Variants in TXLNG observed in about 807,000 individuals in gnomAD.
The protein encoded by TXLNG is taxilin gamma, also known as gamma-taxilin.
Under a neutral mutation model 38.8 loss-of-function variants are expected in TXLNG, and 5 were observed. That is an observed-to-expected ratio of 0.13 (90% confidence interval 0.07 to 0.27). The LOEUF (loss-of-function observed/expected upper bound fraction) is 0.27, where lower values mean the gene tolerates loss of function less well. Ranked by LOEUF, TXLNG falls within the 10% of genes least tolerant of loss-of-function variation. The pLI is 1.00. For missense variants in TXLNG, 393 were observed against 398.2 expected, an observed-to-expected ratio of 0.99 and a Z score of 0.11; for synonymous variants, 182 against 158.2, an observed-to-expected ratio of 1.15 and a Z score of -1.13.
Position 16,841,414 on chromosome X carries a change from C to CTTTTT in TXLNG, c.1249-12_1249-8dup. Reference sequence around the variant, plus strand: ...TATTTAACAGGGTTACAGAAATCCTCTTTTTTCTTACAGAAAACAGTCCGT... The same window carrying CTTTTT: ...TATTTAACAGGGTTACAGAAATCCTCTTTTTTTTTTTCTTACAGAAAACAGTCCGT... On this transcript the variant is annotated splice_polypyrimidine_tract_variant and intron_variant, in intron 9 of 9. Transcript: ENST00000380122. 8.5e-7 allele frequency: 1 copy of CTTTTT among 1,176,695 alleles called. No homozygotes were observed. Among genetic ancestry groups the CTTTTT allele is most frequent in the Admixed American group, 2.6e-5 (1 of 38,945 alleles).
chrX:16,788,333 G>A (rs981917735), intron 1 of TXLNG, among the ~76,000 whole-genome samples: 28 of 112,014 alleles, frequency 2.5e-4, no homozygotes, highest in African/African-American at 8.4e-4. Context: ...GCAGAGCTCT[G>A]GTTAACAGCT....
chrX:16,841,261 G>A (rs955803446), intron 9 of TXLNG, among the ~76,000 whole-genome samples, 167 bp from the exon 10 acceptor site: 1 of 111,351 alleles, frequency 9.0e-6, no homozygotes, highest in Admixed American at 9.6e-5. Flanking sequence ...AATCTCATTC[G>A]GTATAGTTAT....
At chrX:16,817,433 A>G (rs1928786665) in intron 1 of TXLNG, among the ~76,000 whole-genome samples, 1 of 112,368 alleles carries the variant, frequency 8.9e-6, no homozygotes. Flanking sequence ...ATCCCCTCCT[A>G]CTTTGATATT....
At chrX:16,832,112 C>T (rs371365703) in intron 5 of TXLNG, among the ~76,000 whole-genome samples, 1 of 112,185 alleles carries the variant, frequency 8.9e-6, no homozygotes. Context: ...GAGGGCACTG[C>T]GCTCCAGCGT....
chrX:16,834,221 T>A, intron 6 of TXLNG, 62 bp from the exon 7 acceptor site: 1 of 966,199 alleles, frequency 1.0e-6, no homozygotes, highest in African/African-American at 1.9e-5. Context: ...CTCTGATCAT[T>A]TGATATTTAG....
chrX:16,828,888 A>C (rs1034945011), intron 4 of TXLNG, among the ~76,000 whole-genome samples: 1 of 111,647 alleles, frequency 9.0e-6, no homozygotes, highest in Non-Finnish European at 1.9e-5. Context: ...TTATGCCCCA[A>C]TAAACTCCCT....
intron 3 of TXLNG, among the ~76,000 whole-genome samples, chrX:16,821,527 G>A (rs1392697515): frequency 1.8e-5 from 2 of 112,339 alleles, no homozygotes; most frequent in South Asian, 3.6e-4. Flanking sequence ...GAATGGTTGC[G>A]GGAAGCTTTT....
At chrX:16,829,139 A>AT (rs1198753413) in intron 4 of TXLNG, among the ~76,000 whole-genome samples, 1 of 111,666 alleles carries the variant, frequency 9.0e-6, no homozygotes. Flanking sequence ...TAAGCTTTGA[A>AT]TTTTTTGTTT....
chrX:16,843,539 G>C lies in TXLNG; in HGVS notation c.*1773G>C, dbSNP rs908368793. ...ATACTAGACTCATTTCCCTGGTGGT[G>C]GGGGGGAATGCAGGTATAGATCAGA... On this transcript the variant is annotated 3_prime_UTR_variant, in exon 10 of 10. Coordinates refer to ENST00000380122, the MANE Select transcript of TXLNG (RefSeq NM_018360.3). The C allele has an allele frequency of 8.9e-6, 1 of 111,968 alleles. No homozygotes were observed. The highest frequency in any genetic ancestry group is 3.2e-5 in the African/African-American group (1 of 30,786). 9.2% of individuals were successfully genotyped at this position (111,968 alleles called of 1,213,427 possible).
intron 7 of TXLNG, 128 bp from the exon 8 acceptor site, chrX:16,837,465 G>A (rs1011094909): frequency 2.3e-5 from 10 of 443,848 alleles, no homozygotes; most frequent in Non-Finnish European, 3.8e-5. Context: ...TGGTGTCCAA[G>A]GATTGGATGT....
rs41309665 is a variant in TXLNG at position 16,843,916 on chromosome X, A to G, written c.*2150A>G. 8.2e-3 allele frequency: 918 copies of G among 111,725 alleles called. 4 individuals carry two copies. Among genetic ancestry groups the G allele is most frequent in the Non-Finnish European group, 0.013 (694 of 53,135 alleles). The allele number at this position is 111,725 out of a possible 1,213,427, so 9.2% of individuals were successfully genotyped here. ...ATAAAAACAAATGGGACCCCCTGAG[A>G]AGGACATCTTCCTACAGTGATCACC... On this transcript the variant is annotated 3_prime_UTR_variant, in exon 10 of 10. Coordinates refer to ENST00000380122, the MANE Select transcript of TXLNG (RefSeq NM_018360.3).
intron 3 of TXLNG, among the ~76,000 whole-genome samples, chrX:16,827,067 A>G (rs1929195122): frequency 9.2e-6 from 1 of 108,717 alleles, no homozygotes; most frequent in African/African-American, 3.4e-5. Context: ...TGTCTCTACT[A>G]AAAATACAAA....
At chrX:16,792,516 C>T (rs926174369) in intron 1 of TXLNG, among the ~76,000 whole-genome samples, 21 of 111,218 alleles carry the variant, frequency 1.9e-4, no homozygotes, top group Admixed American at 1.4e-3. Flanking sequence ...CATGGTGGCT[C>T]ATGCTTGTAA....
At chrX:16,828,369 T>TA in intron 4 of TXLNG, 105 bp downstream of exon 4, 2 of 810,903 alleles carry the variant, frequency 2.5e-6, no homozygotes, top group Non-Finnish European at 3.4e-6. Context: ...TGGAGACAGA[T>TA]ACTGCCTTGC....
intron 9 of TXLNG, 60 bp from the exon 10 acceptor site, chrX:16,841,368 A>G: frequency 9.2e-7 from 1 of 1,089,503 alleles, no homozygotes; most frequent in Non-Finnish European, 1.2e-6. Flanking sequence ...AGCTGGCTTA[A>G]TTTTTTTGTA....
rs1352621856 is a variant in TXLNG, at chrX:16,843,038, G to C, written c.*1272G>C. 8.9e-6 allele frequency: 1 copy of C among 112,517 alleles called. No homozygotes were observed. The highest frequency in any genetic ancestry group is 1.9e-5 in the Non-Finnish European group (1 of 53,328). The allele number at this position is 112,517 out of a possible 1,213,427, so 9.3% of individuals were successfully genotyped here. ...ATGTTGAATGTGGCGCAGTTATGCA[G>C]ATGATTAATCAGGCTGCACTGATGG... On this transcript the variant is annotated 3_prime_UTR_variant, in exon 10 of 10. Transcript: ENST00000380122.
chrX:16,828,738 C>G (rs1286964761), intron 4 of TXLNG, among the ~76,000 whole-genome samples: 1 of 112,277 alleles, frequency 8.9e-6, no homozygotes, highest in Non-Finnish European at 1.9e-5. Flanking sequence ...TTTAGGAAAC[C>G]ACTTATACCT....
rs1929821114 is a variant in TXLNG at position 16,841,490 on chromosome X, G to T, written c.1311G>T (p.Leu437=). Residue 437 remains leucine, a synonymous_variant, in exon 10 of 10, where the codon CTG becomes CTT. Coordinates refer to ENST00000380122, the MANE Select transcript of TXLNG (RefSeq NM_018360.3). ...TAAAACTGGAACGGTTAGAGAAGCTGTGCAGGGCTCTTCAGACAGAAAGGA... is the reference window on the plus strand; with the variant it reads ...TAAAACTGGAACGGTTAGAGAAGCTTTGCAGGGCTCTTCAGACAGAAAGGA... ...LQIKLERLEK[L]CRALQTERNE... is the part of the protein sequence containing the mutation. 3.3e-6 allele frequency: 4 copies of T among 1,211,971 alleles called. No individual in the cohort carries two copies. Among genetic ancestry groups the T allele is most frequent in the Middle Eastern group, 4.6e-4 (2 of 4,354 alleles).
chrX:16,807,794 C>CA (rs1928384134), intron 1 of TXLNG, among the ~76,000 whole-genome samples: 1 of 111,521 alleles, frequency 9.0e-6, no homozygotes, highest in African/African-American at 3.3e-5. Flanking sequence ...CTGCATATGC[C>CA]TGGCCCTGGT....
Sources: allele counts gnomAD v4.1 joint callset (sites outside exome capture counted in the v4.1 genomes callset), GRCh38; gene constraint gnomAD v4.1.1; transcripts MANE v1.5; gene names NCBI Gene and HGNC (gene_info 2026-07-23, HGNC 2026-07-21).